ACTR3B: variants seen among roughly 807,000 people sequenced by gnomAD.
The protein encoded by ACTR3B is actin related protein 3B.
A neutral mutation model predicts 59.0 loss-of-function variants in ACTR3B; 8 were observed. That is an observed-to-expected ratio of 0.14 (90% CI 0.08 to 0.24). ACTR3B has a LOEUF of 0.24. Among genes scored for constraint, ACTR3B ranks in the 10% least tolerant of loss-of-function variants. ACTR3B has a pLI of 1.00. For synonymous variants in ACTR3B, 148 were observed against 197.9 expected (o/e 0.75, Z 2.12); for missense variants, 245 against 552.3 (o/e 0.44, Z 5.58).
chr7:152,809,790 C>G (rs2098264051), intron 4 of ACTR3B, among the ~76,000 whole-genome samples: 3 of 152,130 alleles, frequency 2.0e-5, no homozygotes, highest in Admixed American at 2.0e-4. Context: ...ATCCGCCCAC[C>G]TCAGCCTCCT....
In ACTR3B at chr7:152,800,381, T is replaced by C; in HGVS notation, c.101-150T>C. On this transcript the variant is annotated intron_variant, in intron 2 of 11. Coordinates refer to ENST00000256001, the MANE Select transcript of ACTR3B (RefSeq NM_020445.6). ...CTTCTGTATTATTTTATGTACTCAT[T>C]GACATTGTCTTTTCTGTGAGCACCC... The C allele has an allele frequency of 1.6e-5, 17 of 1,066,802 alleles. No individual in the cohort carries two copies. The South Asian group carries it at 2.8e-4, about 18-fold the overall frequency. The allele number at this position is 1,066,802 out of a possible 1,614,324, so 66.1% of individuals were successfully genotyped here. A position where few individuals can be genotyped will look rare whatever the true frequency, so the allele number is the denominator to read the frequency against.
At chr7:152,782,795 G>T (rs2098158755) in intron 1 of ACTR3B, among the ~76,000 whole-genome samples, 1 of 151,926 alleles carries the variant, frequency 6.6e-6, no homozygotes, top group Admixed American at 6.6e-5. Context: ...ACTAATGTGG[G>T]CAGTTTAATC....
chr7:152,772,087 CCTGAAAGATAAAAGAATA>C (rs1454296031), intron 1 of ACTR3B, among the ~76,000 whole-genome samples: 4 of 152,018 alleles, frequency 2.6e-5, no homozygotes, highest in African/African-American at 9.7e-5. Flanking sequence ...AAAACAAACC[CCTGAAAGATAAAAGAATA>C]CTACACATAT....
chr7:152,772,481 C>T (rs1263431131), intron 1 of ACTR3B, among the ~76,000 whole-genome samples: 2 of 152,040 alleles, frequency 1.3e-5, no homozygotes, highest in African/African-American at 2.4e-5. Context: ...GTTGTGACTG[C>T]GCCACTGCAC....
intron 2 of ACTR3B, among the ~76,000 whole-genome samples, chr7:152,791,484 C>A (rs929209004): frequency 2.0e-5 from 3 of 152,242 alleles, no homozygotes; most frequent in Non-Finnish European, 2.9e-5. Context: ...GTACACTTTT[C>A]CTATTTTGCC....
At chr7:152,765,923 A>G (rs1172417292) in intron 1 of ACTR3B, among the ~76,000 whole-genome samples, 1 of 152,052 alleles carries the variant, frequency 6.6e-6, no homozygotes, top group Non-Finnish European at 1.5e-5. Flanking sequence ...TGAGATTGTG[A>G]GCACGAGAGA....
chr7:152,792,475 C>A (rs1292262551), intron 2 of ACTR3B, among the ~76,000 whole-genome samples: 1 of 151,734 alleles, frequency 6.6e-6, no homozygotes, highest in Non-Finnish European at 1.5e-5. Context: ...ATAGGCCGGG[C>A]ACGGTGGCTT....
chr7:152,845,577 G>A lies in ACTR3B; in HGVS notation c.952-6549G>A, dbSNP rs192065252. Among the ~76,000 whole-genome samples, 245 of 152,370 alleles carry A rather than the reference G, an allele frequency of 1.6e-3. 1 individual carries two copies. The highest frequency in any genetic ancestry group is 3.4e-3 in the Middle Eastern group (1 of 294). ...GGATTCTGAATCGCAAAGGAGCAGC[G>A]CGAATGAGGGCTGTTTGGCCTCCGC... On this transcript the variant is annotated intron_variant, in intron 9 of 11. Transcript: ENST00000256001.
At chr7:152,820,530 C>T (rs1290513876) in intron 7 of ACTR3B, 88 bp downstream of exon 7, 1 of 1,493,622 alleles carries the variant, frequency 6.7e-7, no homozygotes, top group African/African-American at 1.4e-5. Flanking sequence ...CCCTGCTCCT[C>T]CTTTCCTTCC....
intron 1 of ACTR3B, among the ~76,000 whole-genome samples, chr7:152,766,388 G>T (rs1478398895): frequency 6.6e-6 from 1 of 152,194 alleles, no homozygotes; most frequent in East Asian, 1.9e-4. Flanking sequence ...GCACGTGCCG[G>T]AATTCCAGAG....
chr7:152,815,788 C>G (rs1379953120), intron 5 of ACTR3B, among the ~76,000 whole-genome samples: 4 of 152,178 alleles, frequency 2.6e-5, no homozygotes, highest in Admixed American at 2.6e-4. Flanking sequence ...GGTGTGAGGC[C>G]TAGTAATCTG....
chr7:152,789,319 G>GAGAT (rs2098186772), intron 2 of ACTR3B, among the ~76,000 whole-genome samples: 1 of 149,160 alleles, frequency 6.7e-6, no homozygotes, highest in African/African-American at 2.5e-5. Context: ...TTGAGCCCAG[G>GAGAT]AGATCGAGGC....
intron 2 of ACTR3B, among the ~76,000 whole-genome samples, chr7:152,785,788 C>T (rs1258557384): frequency 2.9e-4 from 15 of 51,352 alleles, no homozygotes; most frequent in Non-Finnish European, 5.6e-4. Context: ...GTGGGGAGAG[C>T]GCCAGGAGGT....
intron 2 of ACTR3B, among the ~76,000 whole-genome samples, chr7:152,793,030 T>C (rs2098202544): frequency 6.6e-6 from 1 of 151,774 alleles, no homozygotes; most frequent in African/African-American, 2.4e-5. Flanking sequence ...GAATTTTTTT[T>C]TTTTTTTTTT....
intron 9 of ACTR3B, among the ~76,000 whole-genome samples, chr7:152,848,838 C>T (rs193046729): frequency 1.8e-3 from 270 of 152,282 alleles, no homozygotes; most frequent in African/African-American, 6.0e-3. Context: ...GCCACCCCCC[C>T]GTAGCTGCAG....
chr7:152,833,571 A>T (rs1316577090), intron 9 of ACTR3B, among the ~76,000 whole-genome samples: 1 of 152,216 alleles, frequency 6.6e-6, no homozygotes, highest in Non-Finnish European at 1.5e-5. Flanking sequence ...GTTACAGAGG[A>T]TGGCTGATAG....
At chr7:152,825,212 T>C in intron 9 of ACTR3B, 90 bp downstream of exon 9, 1 of 1,286,380 alleles carries the variant, frequency 7.8e-7, no homozygotes, top group Non-Finnish European at 1.1e-6. Context: ...CTATTACTAG[T>C]AAATATCCCT....
At chr7:152,781,113 C>A (rs544766731) in intron 1 of ACTR3B, among the ~76,000 whole-genome samples, 27 of 150,102 alleles carry the variant, frequency 1.8e-4, no homozygotes, top group Admixed American at 6.7e-5. Context: ...ACTCAAAATA[C>A]GAAGATGATA....
intron 1 of ACTR3B, among the ~76,000 whole-genome samples, chr7:152,763,110 G>A (rs1439932568): frequency 3.3e-5 from 5 of 152,048 alleles, no homozygotes; most frequent in Non-Finnish European, 7.4e-5. Flanking sequence ...GAGGGCAGGA[G>A]TTCGAGACCA....
Sources: allele counts gnomAD v4.1 joint callset (sites outside exome capture counted in the v4.1 genomes callset), GRCh38; gene constraint gnomAD v4.1.1; transcripts MANE v1.5; gene names NCBI Gene and HGNC (gene_info 2026-07-23, HGNC 2026-07-21).